The following MRPS5 variants were observed in gnomAD, a reference collection of about 807,000 sequenced individuals.
MRPS5 encodes the protein small ribosomal subunit protein uS5m.
Under a neutral mutation model 51.9 loss-of-function variants are expected in MRPS5, and 27 were observed. The observed-to-expected ratio is 0.52, with a 90% CI of 0.38 to 0.72. The LOEUF (loss-of-function observed/expected upper bound fraction) is 0.72. MRPS5 is among the 30% of genes least tolerant of loss of function. The probability of loss-of-function intolerance (pLI) is 0.00; values close to 1 mark genes in which losing one functional copy is unlikely to be tolerated. For synonymous variants in MRPS5, 196 were observed against 193.2 expected, an observed-to-expected ratio of 1.01 and a Z score of -0.12; for missense variants, 570 against 545.7, an observed-to-expected ratio of 1.04 and a Z score of -0.44.
chr2:95,101,298 C>A (rs1407748960), intron 8 of MRPS5, among the ~76,000 whole-genome samples: 1 of 151,414 alleles, frequency 6.6e-6, no homozygotes, highest in Non-Finnish European at 1.5e-5. Flanking sequence ...GCAGGAGAAT[C>A]ACTTGAATTC....
intron 11 of MRPS5, among the ~76,000 whole-genome samples, chr2:95,090,134 G>A (rs374553994): frequency 4.1e-3 from 528 of 129,388 alleles, no homozygotes; most frequent in Admixed American, 0.012. Context: ...CCGGGATCCC[G>A]CCACTGCACT....
rs548870117 is a variant in MRPS5 at position 95,089,953 on chromosome 2, G to A, written c.1068+433C>T. On this transcript the variant is annotated intron_variant, in intron 11 of 11. Transcript: ENST00000272418. ...AGCACTTTGGGAGGCCGAGGCGGGC[G>A]GATCACGAGGTCAGGAGATCGAGAC... Among the ~76,000 whole-genome samples the A allele has an allele frequency of 3.8e-4, 58 of 151,884 alleles. No homozygotes were observed. The South Asian group carries it at 9.6e-3, about 25-fold the overall frequency.
intron 1 of MRPS5, among the ~76,000 whole-genome samples, chr2:95,121,022 G>A (rs1324993033): frequency 2.0e-5 from 3 of 152,166 alleles, no homozygotes; most frequent in Admixed American, 6.5e-5. Context: ...GGAGGCTGAG[G>A]CAGGAGAATC....
intron 6 of MRPS5, among the ~76,000 whole-genome samples, chr2:95,106,061 C>CT (rs1426094821): frequency 6.6e-6 from 1 of 152,192 alleles, no homozygotes; most frequent in African/African-American, 2.4e-5. Context: ...CCAGGGCTCC[C>CT]TGCAATCCCA....
chr2:95,100,255 A>C (rs1226991297), intron 10 of MRPS5, among the ~76,000 whole-genome samples: 1 of 152,120 alleles, frequency 6.6e-6, no homozygotes, highest in Non-Finnish European at 1.5e-5. Flanking sequence ...CCCCACCGTA[A>C]ATTATTCCTG....
intron 10 of MRPS5, among the ~76,000 whole-genome samples, chr2:95,095,234 TAGAGACCTACAA>T (rs1473402254): frequency 6.6e-6 from 1 of 152,138 alleles, no homozygotes; most frequent in Non-Finnish European, 1.5e-5. Context: ...AGCAAGTCCT[TAGAGACCTACAA>T]AGAGACTTTG....
rs191735542 is a variant in MRPS5 at position 95,086,933 on chromosome 2, C to T, written c.*424G>A. Among the ~76,000 whole-genome samples, 11 of 152,222 alleles carry T rather than the reference C, an allele frequency of 7.2e-5. No homozygotes were observed. Among genetic ancestry groups the T allele is most frequent in the Admixed American group, 3.3e-4 (5 of 15,292 alleles). On this transcript the variant is annotated 3_prime_UTR_variant, in exon 12 of 12. Coordinates refer to ENST00000272418, the MANE Select transcript of MRPS5 (RefSeq NM_031902.5). ...CAACTTCCATTTCCACTGTGGAAAA[C>T]GGTTTGGAAGTTCCTCACGGTAGTC... is the stretch of plus-strand genomic sequence containing the variant.
chr2:95,109,135 A>G (rs201180388), intron 4 of MRPS5, among the ~76,000 whole-genome samples: 1 of 152,118 alleles, frequency 6.6e-6, no homozygotes, highest in African/African-American at 2.4e-5. Flanking sequence ...AAGTTTCTCT[A>G]TAATCTACAT....
At chr2:95,121,708 C>A in intron 1 of MRPS5, 26 bp downstream of exon 1, 1 of 1,529,718 alleles carries the variant, frequency 6.5e-7, no homozygotes. Context: ...GCTCAGAGCC[C>A]CTGCTCCCGG....
chr2:95,088,204 C>G (rs182027552), intron 11 of MRPS5, among the ~76,000 whole-genome samples: 1 of 152,056 alleles, frequency 6.6e-6, no homozygotes, highest in East Asian at 1.9e-4. Context: ...TTTGATGATA[C>G]AAGTTACTGT....
rs1676460711 is a variant in MRPS5, at chr2:95,121,748, C to G, written c.44G>C (p.Cys15Ser). The G allele has an allele frequency of 6.4e-7, 1 of 1,553,146 alleles. No individual in the cohort carries two copies. Residue 15 changes from cysteine to serine, a missense_variant, in exon 1 of 12, where the codon TGT becomes TCT. Physicochemically the swap from Cys to Ser is moderately radical, Grantham distance 112 (BLOSUM62 -1). Coordinates refer to ENST00000272418, the MANE Select transcript of MRPS5 (RefSeq NM_031902.5). ...CCAGCTCTCACCTGCCGTCCCGCTA[C>G]ACAGCACGGGGAGGCAGCCCACAGC... is the stretch of plus-strand genomic sequence containing the variant. ...VRAVGCLPVL[C>S]SGTAGHLLGR...
chr2:95,112,863 G>A (rs1676164448), intron 3 of MRPS5, among the ~76,000 whole-genome samples: 1 of 151,990 alleles, frequency 6.6e-6, no homozygotes, highest in Non-Finnish European at 1.5e-5. Flanking sequence ...AAATTAGCCG[G>A]GCGTGGTGGC....
intron 11 of MRPS5, among the ~76,000 whole-genome samples, chr2:95,088,320 T>G (rs1037514217): frequency 6.6e-6 from 1 of 152,166 alleles, no homozygotes; most frequent in African/African-American, 2.4e-5. Context: ...TGTCTGAGAT[T>G]TGGTTCAAAA....
chr2:95,087,441 G>A lies in MRPS5; in HGVS notation c.1209C>T (p.Asp403=), dbSNP rs373403826. The change falls in exon 12 of 12, where the codon GAC becomes GAT. Residue 403 remains aspartate (D), a synonymous_variant. Coordinates refer to ENST00000272418, the MANE Select transcript of MRPS5 (RefSeq NM_031902.5). ...TCACATCTTCCCAGTCCAGTTTGAC[G>A]TCTGGAACCTCATCTTCTGGCTCTG... ...KDPEPEDEVP[D]VKLDWEDVKT... The A allele has an allele frequency of 4.6e-5, 75 of 1,614,142 alleles. No individual in the cohort carries two copies. The highest frequency in any genetic ancestry group is 1.1e-4 in the African/African-American group (8 of 75,026).
At chr2:95,100,260 T>C (rs1337046543) in intron 10 of MRPS5, among the ~76,000 whole-genome samples, 1 of 152,212 alleles carries the variant, frequency 6.6e-6, no homozygotes, top group East Asian at 1.9e-4. Flanking sequence ...CCGTAAATTA[T>C]TCCTGGAACA....
chr2:95,095,192 T>C (rs999066671), intron 10 of MRPS5, among the ~76,000 whole-genome samples: 5 of 152,344 alleles, frequency 3.3e-5, no homozygotes, highest in Non-Finnish European at 5.9e-5. Context: ...TAAATATATA[T>C]GCATCCAATA....
chr2:95,121,904 C>G, upstream of MRPS5: 1 of 1,220,840 alleles, frequency 8.2e-7, no homozygotes, highest in South Asian at 1.5e-5. Flanking sequence ...TTCCTGAGGC[C>G]CGAGTCCACG....
At chr2:95,089,309 T>C (rs1331166968) in intron 11 of MRPS5, among the ~76,000 whole-genome samples, 1 of 152,222 alleles carries the variant, frequency 6.6e-6, no homozygotes, top group Admixed American at 6.5e-5. Flanking sequence ...AATTACTCCA[T>C]GGATCACTTT....
At chr2:95,092,333 C>A (rs547119897) in intron 10 of MRPS5, 1 of 152,366 alleles carries the variant, frequency 6.6e-6, no homozygotes, top group Non-Finnish European at 1.5e-5. Context: ...CCCTCCATTT[C>A]TCTTGGGAGA....
Sources: gnomAD v4.1 joint callset for allele counts (sites outside exome capture counted in the v4.1 genomes callset) on GRCh38, gnomAD v4.1.1 for gene constraint, MANE v1.5 for transcripts, NCBI Gene and HGNC (gene_info 2026-07-23, HGNC 2026-07-21) for gene names.